The following SLC9A8 variants were observed in gnomAD, a reference collection of about 807,000 sequenced individuals.
The protein encoded by SLC9A8 is sodium/hydrogen exchanger 8.
Under a neutral mutation model 66.6 loss-of-function variants are expected in SLC9A8, and 48 were observed. The ratio of observed to expected loss-of-function variants is 0.72; its 90% confidence interval spans 0.57 to 0.92. The LOEUF is 0.92. SLC9A8 is among the 40% of genes least tolerant of loss of function. SLC9A8 has a pLI of 0.00. For missense variants in SLC9A8, 599 were observed against 747.3 expected (o/e 0.80, Z 2.31); for synonymous variants, 274 against 282.6 (o/e 0.97, Z 0.31).
intron 8 of SLC9A8, among the ~76,000 whole-genome samples, chr20:49,856,820 C>CAAA (rs143064218): frequency 1.0e-3 from 99 of 99,144 alleles, no homozygotes; most frequent in Admixed American, 1.6e-3. Context: ...GACTCCGTCT[C>CAAA]AAAAAAAAAA....
chr20:49,843,539 A>G (rs1238648838), intron 4 of SLC9A8, among the ~76,000 whole-genome samples: 3 of 152,228 alleles, frequency 2.0e-5, no homozygotes, highest in African/African-American at 7.2e-5. Context: ...AAATATTCAT[A>G]TGAAAAAGGG....
chr20:49,861,215 G>A (rs536385651), intron 8 of SLC9A8, among the ~76,000 whole-genome samples: 3 of 152,114 alleles, frequency 2.0e-5, no homozygotes, highest in African/African-American at 7.2e-5. Context: ...TGATAACGTC[G>A]GGAAACTGTG....
At chr20:49,872,701 G>C (rs1350344263) in intron 10 of SLC9A8, among the ~76,000 whole-genome samples, 2 of 152,178 alleles carry the variant, frequency 1.3e-5, no homozygotes, top group South Asian at 2.1e-4. Context: ...TGACCAGGCT[G>C]GTCTTGAATT....
At chr20:49,850,600 T>G (rs143213920) in intron 6 of SLC9A8, among the ~76,000 whole-genome samples, 1 of 152,346 alleles carries the variant, frequency 6.6e-6, no homozygotes, top group Non-Finnish European at 1.5e-5. Context: ...GCTTGAAGAA[T>G]GTAGCATTCT....
At chr20:49,887,806 C>T (rs1418668002) in intron 15 of SLC9A8, 23 bp from the exon 16 acceptor site, 3 of 1,563,142 alleles carry the variant, frequency 1.9e-6, no homozygotes, top group Admixed American at 1.8e-5. Flanking sequence ...GCCCTGACGG[C>T]TTGGTTGTGT....
At chr20:49,852,935 T>C (rs1470543811) in intron 7 of SLC9A8, among the ~76,000 whole-genome samples, 1 of 152,184 alleles carries the variant, frequency 6.6e-6, no homozygotes, top group Non-Finnish European at 1.5e-5. Flanking sequence ...CCTGACGACA[T>C]GTACCCAAGA....
At chr20:49,829,913 A>C in intron 3 of SLC9A8, 1 of 577,618 alleles carries the variant, frequency 1.7e-6, no homozygotes, top group Non-Finnish European at 3.5e-6. Context: ...ATCCCCTCTG[A>C]AAAGAATCCA....
intron 3 of SLC9A8, among the ~76,000 whole-genome samples, chr20:49,832,376 G>C (rs2087241887): frequency 6.6e-6 from 1 of 152,128 alleles, no homozygotes; most frequent in Non-Finnish European, 1.5e-5. Context: ...CTGACCCTCT[G>C]GGGTGGGTCT....
At chr20:49,836,772 G>A (rs2087552993) in intron 3 of SLC9A8, among the ~76,000 whole-genome samples, 1 of 152,142 alleles carries the variant, frequency 6.6e-6, no homozygotes, top group African/African-American at 2.4e-5. Context: ...TTTCCATGGT[G>A]GTTGCCCCAT....
intron 11 of SLC9A8, 58 bp downstream of exon 11, chr20:49,874,879 T>G: frequency 1.7e-6 from 2 of 1,199,282 alleles, no homozygotes; most frequent in Non-Finnish European, 2.5e-6. Context: ...TCTTGCTTCC[T>G]TATCCTGTTT....
At chr20:49,831,402 A>ACTCTCTCTCT (rs11469884) in intron 3 of SLC9A8, among the ~76,000 whole-genome samples, 5 of 142,842 alleles carry the variant, frequency 3.5e-5, no homozygotes, top group African/African-American at 1.3e-4. Flanking sequence ...ACACACACAC[A>ACTCTCTCTCT]CTCTCTCTCT....
At position 49,830,683 on chromosome 20, in the gene SLC9A8, C is replaced by T. The variant is rs41283578; in HGVS notation, c.289+7542C>T. Reference sequence around the variant, plus strand: ...GAGGACTGCAGCAGCTGCTTCCAGGCGATAGGGAAGACCTCCTCCTTCCTA... The same window carrying T: ...GAGGACTGCAGCAGCTGCTTCCAGGTGATAGGGAAGACCTCCTCCTTCCTA... On this transcript the variant is annotated intron_variant, in intron 3 of 15. Transcript: ENST00000361573. The T allele has an allele frequency of 7.9e-3, 5,229 of 663,388 alleles. 54 individuals are homozygous for T. The highest frequency in any genetic ancestry group is 7.3e-3 in the Non-Finnish European group (2,649 of 364,166). 41.1% of individuals were successfully genotyped at this position (663,388 alleles called of 1,614,324 possible).
intron 3 of SLC9A8, among the ~76,000 whole-genome samples, chr20:49,837,826 C>T (rs1411018776): frequency 6.6e-6 from 1 of 152,190 alleles, no homozygotes; most frequent in Non-Finnish European, 1.5e-5. Flanking sequence ...GCTTCAGCCT[C>T]CTAACGTGCT....
At chr20:49,816,432 C>A (rs1020560121) in intron 2 of SLC9A8, among the ~76,000 whole-genome samples, 28 of 148,674 alleles carry the variant, frequency 1.9e-4, no homozygotes, top group South Asian at 4.3e-4. Context: ...AAAAAAAAAA[C>A]AAAAAAAACC....
chr20:49,847,560 C>T (rs1421437853), intron 5 of SLC9A8, among the ~76,000 whole-genome samples: 1 of 151,814 alleles, frequency 6.6e-6, no homozygotes, highest in Admixed American at 6.6e-5. Flanking sequence ...CACTTTCTAC[C>T]CTCGCCCAAA....
intron 10 of SLC9A8, among the ~76,000 whole-genome samples, chr20:49,869,597 G>T (rs2089124480): frequency 1.3e-5 from 2 of 151,266 alleles, no homozygotes. Context: ...ACTTTGGGAG[G>T]CCAAGGCAGG....
chr20:49,837,928 T>A (rs1278070690), intron 3 of SLC9A8, among the ~76,000 whole-genome samples: 1 of 152,166 alleles, frequency 6.6e-6, no homozygotes, highest in Admixed American at 6.6e-5. Context: ...GAAGCAAATC[T>A]ATACATAATA....
chr20:49,851,230 G>A (rs1333255881), intron 7 of SLC9A8, among the ~76,000 whole-genome samples: 2 of 152,172 alleles, frequency 1.3e-5, no homozygotes, highest in Non-Finnish European at 2.9e-5. Flanking sequence ...GGGGAGTGAC[G>A]GAGAAACTTT....
intron 10 of SLC9A8, among the ~76,000 whole-genome samples, chr20:49,865,727 C>G (rs1373277264): frequency 6.6e-6 from 1 of 152,224 alleles, no homozygotes; most frequent in Non-Finnish European, 1.5e-5. Flanking sequence ...AAGTGGCAGT[C>G]AAGCTTGCGT....
Sources: allele counts gnomAD v4.1 joint callset (sites outside exome capture counted in the v4.1 genomes callset), GRCh38; gene constraint gnomAD v4.1.1; transcripts MANE v1.5; gene names NCBI Gene and HGNC (gene_info 2026-07-23, HGNC 2026-07-21).